GSAP: variants seen among roughly 807,000 people sequenced by gnomAD.
GSAP encodes the protein gamma-secretase-activating protein.
GSAP carries 118 observed loss-of-function variants against 131.7 expected under a neutral mutation model. That is an observed-to-expected ratio of 0.90 (90% CI 0.77 to 1.04). GSAP has a LOEUF of 1.04. Among genes scored for constraint, GSAP ranks in the 50% least tolerant of loss-of-function variants. The probability of loss-of-function intolerance (pLI) is 0.00; values close to 1 mark genes in which losing one functional copy is unlikely to be tolerated. For missense variants in GSAP, 1,019 were observed against 1,013.2 expected, an observed-to-expected ratio of 1.01 and a Z score of -0.08; for synonymous variants, 381 against 363.4, an observed-to-expected ratio of 1.05 and a Z score of -0.55.
At chr7:77,331,896 A>G (rs1001581956) in intron 19 of GSAP, 8 of 151,560 alleles carry the variant, frequency 5.3e-5, no homozygotes, top group East Asian at 1.9e-4. Flanking sequence ...TAAGAAGAAA[A>G]AAAAAAAAAA....
In GSAP at chr7:77,330,265, C is replaced by A; in HGVS notation, c.1648G>T (p.Glu550Ter). ...TCTTCAGAGATCAGGTTGTGCCACTCTCTCCTGACCACACTGTTGTTATAG... is the reference window on the plus strand; with the variant it reads ...TCTTCAGAGATCAGGTTGTGCCACTATCTCCTGACCACACTGTTGTTATAG... The part of the protein sequence containing the change: ...FHYNNSVVRR[E>*]WHNLISEEKT... Residue 550 changes from glutamate (E) to a stop codon, truncating the protein, a stop_gained, in exon 20 of 31, where the codon GAG becomes TAG. Coordinates refer to ENST00000257626, the MANE Select transcript of GSAP (RefSeq NM_017439.4). LOFTEE classifies it high-confidence loss of function. 1 of 1,612,626 alleles carries A rather than the reference C, an allele frequency of 6.2e-7. No individual in the cohort carries two copies. The highest frequency in any genetic ancestry group is 1.1e-5 in the South Asian group (1 of 90,788).
intron 18 of GSAP, among the ~76,000 whole-genome samples, chr7:77,350,505 G>A (rs1157171325): frequency 6.6e-6 from 1 of 151,028 alleles, no homozygotes; most frequent in Non-Finnish European, 1.5e-5. Context: ...GGAGGCCAAG[G>A]CTGGCAGATC....
At chr7:77,312,785 G>A (rs1794546070) in intron 28 of GSAP, among the ~76,000 whole-genome samples, 1 of 152,242 alleles carries the variant, frequency 6.6e-6, no homozygotes, top group Admixed American at 6.5e-5. Context: ...TTCGTGAGAG[G>A]ACAGTGCCAG....
chr7:77,358,203 A>C (rs995426252), intron 14 of GSAP, among the ~76,000 whole-genome samples: 13 of 152,328 alleles, frequency 8.5e-5, no homozygotes, highest in African/African-American at 3.1e-4. Flanking sequence ...TTAGCTGGGC[A>C]TGGCGGCATG....
chr7:77,378,507 A>G (rs527784069), intron 8 of GSAP, among the ~76,000 whole-genome samples: 18 of 149,936 alleles, frequency 1.2e-4, no homozygotes, highest in Non-Finnish European at 2.2e-4. Flanking sequence ...ATAAAAAACA[A>G]AACAAAAAAC....
At chr7:77,318,731 A>G (rs927283435) in intron 26 of GSAP, among the ~76,000 whole-genome samples, 1 of 152,196 alleles carries the variant, frequency 6.6e-6, no homozygotes, top group African/African-American at 2.4e-5. Flanking sequence ...AAAGTTAAAC[A>G]TAAGACCTGA....
At chr7:77,393,736 C>T (rs1293359304) in intron 5 of GSAP, among the ~76,000 whole-genome samples, 4 of 149,750 alleles carry the variant, frequency 2.7e-5, no homozygotes, top group Non-Finnish European at 3.0e-5. Flanking sequence ...TACAGTGGCA[C>T]GATCTCTGCT....
At chr7:77,402,684 T>TA (rs60282862) in intron 3 of GSAP, among the ~76,000 whole-genome samples, 2,146 of 111,782 alleles carry the variant, frequency 0.019, 29 homozygotes, top group African/African-American at 0.049. Flanking sequence ...AAAAGGTCCG[T>TA]AAAAAAAAAA....
intron 6 of GSAP, among the ~76,000 whole-genome samples, chr7:77,386,155 A>G (rs1403745038): frequency 1.3e-5 from 2 of 152,244 alleles, no homozygotes; most frequent in Non-Finnish European, 2.9e-5. Context: ...TCCCAAAAAT[A>G]TAATTCTGGA....
chr7:77,389,328 GTTTTT>G (rs112764794), intron 5 of GSAP, among the ~76,000 whole-genome samples: 40 of 128,752 alleles, frequency 3.1e-4, no homozygotes, highest in Non-Finnish European at 5.3e-4. Context: ...GTTTTGTTTT[GTTTTT>G]TGTTTCCATC....
intron 24 of GSAP, among the ~76,000 whole-genome samples, chr7:77,321,612 CCT>C (rs978587234): frequency 2.0e-5 from 3 of 152,192 alleles, no homozygotes; most frequent in African/African-American, 7.2e-5. Flanking sequence ...AACAAAGCAT[CCT>C]CTGTTTGTGT....
intron 14 of GSAP, among the ~76,000 whole-genome samples, chr7:77,358,439 T>C (rs968649112): frequency 2.0e-5 from 3 of 152,214 alleles, no homozygotes; most frequent in Non-Finnish European, 4.4e-5. Flanking sequence ...AAAGATCTTA[T>C]ATGGAGAAGA....
At chr7:77,323,055 C>A (rs1208261101) in intron 24 of GSAP, among the ~76,000 whole-genome samples, 1 of 152,150 alleles carries the variant, frequency 6.6e-6, no homozygotes, top group Admixed American at 6.5e-5. Flanking sequence ...TAAGCAAGAT[C>A]AGGCCTCAAC....
intron 19 of GSAP, among the ~76,000 whole-genome samples, chr7:77,346,994 A>T (rs1227950913): frequency 2.8e-5 from 3 of 106,520 alleles, no homozygotes; most frequent in African/African-American, 1.1e-4. Context: ...ACCCTCCCCT[A>T]AGAGGGTCCT....
chr7:77,400,829 A>C (rs1265038565), intron 3 of GSAP, among the ~76,000 whole-genome samples: 1 of 152,252 alleles, frequency 6.6e-6, no homozygotes, highest in Non-Finnish European at 1.5e-5. Flanking sequence ...AAAATGCTTC[A>C]ATAAGTAATT....
intron 19 of GSAP, among the ~76,000 whole-genome samples, chr7:77,345,107 G>A (rs1791595951): frequency 6.6e-6 from 1 of 152,126 alleles, no homozygotes; most frequent in Non-Finnish European, 1.5e-5. Context: ...CTAATTGGAG[G>A]TCCTCCCAAT....
intron 5 of GSAP, among the ~76,000 whole-genome samples, chr7:77,395,921 A>C (rs1282279335): frequency 6.6e-6 from 1 of 152,256 alleles, no homozygotes; most frequent in African/African-American, 2.4e-5. Flanking sequence ...GATTGATAGG[A>C]GACCCACTAG....
At chr7:77,322,993 C>T (rs74877464) in intron 24 of GSAP, among the ~76,000 whole-genome samples, 3 of 152,060 alleles carry the variant, frequency 2.0e-5, no homozygotes. Flanking sequence ...AGTGTTCTTT[C>T]TCTTTCTGTG....
At chr7:77,370,498 G>A (rs1049435504) in intron 12 of GSAP, among the ~76,000 whole-genome samples, 1 of 152,096 alleles carries the variant, frequency 6.6e-6, no homozygotes, top group South Asian at 2.1e-4. Flanking sequence ...CAAAGCACCA[G>A]GGAAGAACCC....
Sources: gnomAD v4.1 joint callset for allele counts (sites outside exome capture counted in the v4.1 genomes callset) on GRCh38, gnomAD v4.1.1 for gene constraint, MANE v1.5 for transcripts, NCBI Gene and HGNC (gene_info 2026-07-23, HGNC 2026-07-21) for gene names.